Variants in TNR observed in about 807,000 individuals in gnomAD.
The protein encoded by TNR is tenascin R, also known as tenascin-R.
In TNR, 45 loss-of-function variants were observed where a neutral mutation model predicts 150.4. That is an observed-to-expected ratio of 0.30 (90% CI 0.24 to 0.38). TNR has a LOEUF of 0.38. Among genes scored for constraint, TNR ranks in the 10% least tolerant of loss-of-function variants. TNR has a pLI of 1.00. For missense variants in TNR, 1,544 were observed against 1,759.1 expected (o/e 0.88, Z 2.19); for synonymous variants, 687 against 678.4 (o/e 1.01, Z -0.20).
At chr1:175,602,843 C>A (rs551660233) in intron 1 of TNR, among the ~76,000 whole-genome samples, 11 of 152,336 alleles carry the variant, frequency 7.2e-5, no homozygotes, top group Middle Eastern at 3.4e-3. Context: ...CCGAGACCAA[C>A]AAACAGCTCA....
At chr1:175,426,073 A>G (rs1264276655) in intron 2 of TNR, among the ~76,000 whole-genome samples, 2 of 152,170 alleles carry the variant, frequency 1.3e-5, no homozygotes, top group African/African-American at 2.4e-5. Flanking sequence ...AGGAAGCTGT[A>G]ACAGGAGCCT....
intron 4 of TNR, among the ~76,000 whole-genome samples, chr1:175,397,338 G>A (rs1393048031): frequency 6.6e-6 from 1 of 152,156 alleles, no homozygotes; most frequent in Non-Finnish European, 1.5e-5. Context: ...AATTGGCCAT[G>A]GAGAGAGTAT....
intron 2 of TNR, among the ~76,000 whole-genome samples, chr1:175,408,779 A>G (rs1045817944): frequency 2.0e-5 from 3 of 152,206 alleles, no homozygotes; most frequent in African/African-American, 7.2e-5. Flanking sequence ...ATAAATAAAT[A>G]TTGTTTGCAG....
At chr1:175,717,953 C>A (rs1667197468) in intron 1 of TNR, among the ~76,000 whole-genome samples, 1 of 152,168 alleles carries the variant, frequency 6.6e-6, no homozygotes, top group Non-Finnish European at 1.5e-5. Context: ...ACCAGCACTC[C>A]AGGGACAAGG....
intron 2 of TNR, among the ~76,000 whole-genome samples, chr1:175,418,849 T>C (rs1164607960): frequency 6.6e-6 from 1 of 152,198 alleles, no homozygotes; most frequent in Non-Finnish European, 1.5e-5. Flanking sequence ...ACTAAGAAGA[T>C]GTCAGAGATC....
chr1:175,673,513 G>A (rs1571738335), intron 1 of TNR, among the ~76,000 whole-genome samples: 1 of 152,232 alleles, frequency 6.6e-6, no homozygotes, highest in Non-Finnish European at 1.5e-5. Flanking sequence ...TATGTAGGGT[G>A]CTGGAAGAAT....
chr1:175,525,895 G>A (rs859361), intron 2 of TNR, among the ~76,000 whole-genome samples: 108,489 of 152,056 alleles, frequency 0.71, 38,961 homozygotes, highest in African/African-American at 0.79. Context: ...AATTCTGGGG[G>A]TAGCCAGGTG....
rs771212134 is a variant in TNR, at chr1:175,406,598, C to G, written c.117G>C (p.Arg39Ser). 6.2e-6 allele frequency: 10 copies of G among 1,614,056 alleles called. No homozygotes were observed. The highest frequency in any genetic ancestry group is 8.5e-6 in the Non-Finnish European group (10 of 1,180,046). Reference sequence around the variant, plus strand: ...CCTCCTCCACTGACTGTCTCTGGACCCTTTCTGTGGTGACCTCCAGCTGAC... The same window carrying G: ...CCTCCTCCACTGACTGTCTCTGGACGCTTTCTGTGGTGACCTCCAGCTGAC... ...SECQLEVTTE[R>S]VQRQSVEEEG... Residue 39 changes from arginine (R) to serine (S), a missense_variant, in exon 3 of 23, where the codon AGG (arginine) becomes AGC (serine). This residue lies in a region of TNR where 1,254 missense variants were observed against 1,329.4 expected (regional missense o/e 0.94). Coordinates refer to ENST00000367674, the MANE Select transcript of TNR (RefSeq NM_003285.3).
intron 15 of TNR, among the ~76,000 whole-genome samples, chr1:175,357,583 T>A (rs1651391852): frequency 6.6e-6 from 1 of 152,244 alleles, no homozygotes; most frequent in Admixed American, 6.5e-5. Context: ...TCAGACTTCT[T>A]ACACTCTCAC....
At chr1:175,457,235 A>T (rs908306207) in intron 2 of TNR, among the ~76,000 whole-genome samples, 1 of 152,252 alleles carries the variant, frequency 6.6e-6, no homozygotes, top group Non-Finnish European at 1.5e-5. Context: ...TGCACCGGCT[A>T]CTGGTCGGTT....
chr1:175,438,012 G>A (rs191974240), intron 2 of TNR, among the ~76,000 whole-genome samples: 30 of 152,188 alleles, frequency 2.0e-4, no homozygotes, highest in South Asian at 6.2e-4. Flanking sequence ...GAGGGAATCC[G>A]CCCTAACTCA....
intron 17 of TNR, among the ~76,000 whole-genome samples, 195 bp downstream of exon 17, chr1:175,355,308 C>T (rs776904059): frequency 9.9e-5 from 15 of 152,124 alleles, no homozygotes; most frequent in Non-Finnish European, 2.2e-4. Flanking sequence ...GGACTATCAT[C>T]CAAATCTTCT....
At chr1:175,631,953 G>A (rs1399721001) in intron 1 of TNR, among the ~76,000 whole-genome samples, 3 of 152,146 alleles carry the variant, frequency 2.0e-5, no homozygotes, top group Non-Finnish European at 2.9e-5. Context: ...GAAAAACCAG[G>A]AGGCATCTAT....
intron 1 of TNR, among the ~76,000 whole-genome samples, chr1:175,736,293 G>A (rs369508619): frequency 7.9e-5 from 12 of 152,286 alleles, no homozygotes; most frequent in Admixed American, 3.3e-4. Context: ...AGGCCAAGGC[G>A]GGTGGATCAC....
chr1:175,710,550 C>G (rs918414780), intron 1 of TNR, among the ~76,000 whole-genome samples: 1 of 152,082 alleles, frequency 6.6e-6, no homozygotes, highest in African/African-American at 2.4e-5. Context: ...TGCAGAGTGC[C>G]AAGTGAAGAG....
intron 1 of TNR, among the ~76,000 whole-genome samples, chr1:175,732,579 C>T (rs949161076): frequency 1.3e-5 from 2 of 152,218 alleles, no homozygotes; most frequent in Non-Finnish European, 2.9e-5. Flanking sequence ...TTGAACCTGA[C>T]CTTTGTGGTT....
At chr1:175,622,644 T>G (rs547072064) in intron 1 of TNR, among the ~76,000 whole-genome samples, 2 of 152,320 alleles carry the variant, frequency 1.3e-5, no homozygotes, top group Non-Finnish European at 2.9e-5. Context: ...CTAGACTGCT[T>G]TAGATGCCTG....
intron 1 of TNR, among the ~76,000 whole-genome samples, chr1:175,532,422 C>T (rs1326421067): frequency 6.6e-6 from 1 of 152,128 alleles, no homozygotes; most frequent in Non-Finnish European, 1.5e-5. Context: ...CAGGAGGGAT[C>T]TTGAATGGCT....
At chr1:175,612,235 T>C (rs1430114682) in intron 1 of TNR, among the ~76,000 whole-genome samples, 7 of 152,102 alleles carry the variant, frequency 4.6e-5, no homozygotes, top group Non-Finnish European at 1.0e-4. Flanking sequence ...GAGATGTGAG[T>C]GGGCCCTATC....
Sources: allele counts gnomAD v4.1 joint callset (sites outside exome capture counted in the v4.1 genomes callset), GRCh38; gene constraint gnomAD v4.1.1; regional missense constraint gnomAD v4.1.1; transcripts MANE v1.5; gene names NCBI Gene and HGNC (gene_info 2026-07-23, HGNC 2026-07-21).